Variants in TCF7L1 observed in about 807,000 individuals in gnomAD.
TCF7L1 encodes transcription factor 7 like 1, also known as transcription factor 7-like 1.
In TCF7L1, 18 loss-of-function variants were observed where a neutral mutation model predicts 63.7. The observed-to-expected ratio is 0.28, with a 90% CI of 0.20 to 0.42. TCF7L1 has a LOEUF of 0.42. TCF7L1 is among the 10% of genes least tolerant of loss of function. TCF7L1 has a pLI of 1.00. For missense variants in TCF7L1, 654 were observed against 779.3 expected (o/e 0.84, Z 1.91); for synonymous variants, 355 against 340.9 (o/e 1.04, Z -0.46).
intron 3 of TCF7L1, among the ~76,000 whole-genome samples, chr2:85,223,193 C>G (rs1205675253): frequency 1.3e-5 from 2 of 152,190 alleles, no homozygotes; most frequent in Admixed American, 6.5e-5. Context: ...GCAATCCCCC[C>G]ACCTCAGCCT....
intron 4 of TCF7L1, among the ~76,000 whole-genome samples, chr2:85,296,323 G>A (rs549964172): frequency 6.6e-6 from 1 of 152,242 alleles, no homozygotes; most frequent in South Asian, 2.1e-4. Flanking sequence ...TTTGTAGAAT[G>A]TCCCTTAGTT....
Position 85,306,700 on chromosome 2 carries a change from A to G in TCF7L1, c.1257+141A>G, listed in dbSNP as rs1047454431. ...TTTTGAGACAGAGGCTCACCCTGTC[A>G]CCCAGGCTGGAGTGCATGCAGTGGC... On this transcript the variant is annotated intron_variant, in intron 10 of 11. Coordinates refer to ENST00000282111, the MANE Select transcript of TCF7L1 (RefSeq NM_031283.3). The surrounding 1 kb of genome is among the most constrained non-coding windows in gnomAD (Gnocchi z 4.3). The G allele has an allele frequency of 5.5e-6, 4 of 726,636 alleles. No homozygotes were observed. Among genetic ancestry groups the G allele is most frequent in the Non-Finnish European group, 6.5e-6 (3 of 459,460 alleles). 45.0% of individuals were successfully genotyped at this position (726,636 alleles called of 1,614,324 possible). A position where few individuals can be genotyped will look rare whatever the true frequency, so the allele number is the denominator to read the frequency against.
intron 7 of TCF7L1, among the ~76,000 whole-genome samples, chr2:85,304,803 G>A (rs138821408): frequency 0.01 from 1,598 of 152,200 alleles, 10 homozygotes; most frequent in Middle Eastern, 0.041. Context: ...CCTAAGTCAC[G>A]GACTGTCTGT....
At chr2:85,263,421 C>G (rs751413904) in intron 3 of TCF7L1, among the ~76,000 whole-genome samples, 1 of 151,928 alleles carries the variant, frequency 6.6e-6, no homozygotes, top group Non-Finnish European at 1.5e-5. Context: ...GGGCAGTGAG[C>G]AGCAGAGATG....
chr2:85,191,093 T>C (rs2104264485), intron 3 of TCF7L1, among the ~76,000 whole-genome samples: 1 of 152,318 alleles, frequency 6.6e-6, no homozygotes, highest in South Asian at 2.1e-4. Context: ...AAGAGCCTTA[T>C]AACTTATTTG....
intron 3 of TCF7L1, among the ~76,000 whole-genome samples, chr2:85,273,508 A>G (rs1233086335): frequency 6.6e-6 from 1 of 152,256 alleles, no homozygotes; most frequent in Non-Finnish European, 1.5e-5. Context: ...AAACAGTTTG[A>G]TAACCTTGTA....
chr2:85,189,053 G>A (rs1385803187), intron 3 of TCF7L1, among the ~76,000 whole-genome samples: 1 of 152,180 alleles, frequency 6.6e-6, no homozygotes, highest in Non-Finnish European at 1.5e-5. Context: ...CCACCTGACT[G>A]TGAACTTAAA....
chr2:85,299,695 C>T (rs1372044544), intron 4 of TCF7L1, among the ~76,000 whole-genome samples: 2 of 151,648 alleles, frequency 1.3e-5, no homozygotes, highest in East Asian at 1.9e-4. Flanking sequence ...GGTGAAACCG[C>T]GTCTCTACAA....
chr2:85,233,878 C>T (rs913161252), intron 3 of TCF7L1: 1 of 152,140 alleles, frequency 6.6e-6, no homozygotes, highest in African/African-American at 2.4e-5. Flanking sequence ...AATTCATCCA[C>T]ATTGCTGCAG....
At chr2:85,205,534 ATTG>A (rs1679385846) in intron 3 of TCF7L1, among the ~76,000 whole-genome samples, 2 of 109,792 alleles carry the variant, frequency 1.8e-5, no homozygotes, top group African/African-American at 4.0e-5. Flanking sequence ...GTCAGCCCAC[ATTG>A]TTTTTTTTTT....
chr2:85,144,741 GTGTGTGTGTA>G (rs1189107327), intron 3 of TCF7L1, among the ~76,000 whole-genome samples: 2 of 149,072 alleles, frequency 1.3e-5, no homozygotes, highest in East Asian at 1.9e-4. Context: ...GTGTGTGTGT[GTGTGTGTGTA>G]TGTGTGTGTG....
chr2:85,251,972 G>A (rs1680599989), intron 3 of TCF7L1, among the ~76,000 whole-genome samples: 1 of 152,198 alleles, frequency 6.6e-6, no homozygotes, highest in Admixed American at 6.5e-5. Flanking sequence ...CCACTTGGGA[G>A]GCTGAGGTGG....
intron 3 of TCF7L1, among the ~76,000 whole-genome samples, chr2:85,214,613 G>T (rs1679650473): frequency 6.6e-6 from 1 of 152,198 alleles, no homozygotes. Context: ...GCTGGGACAG[G>T]ATATGCAAGA....
chr2:85,270,423 C>T (rs1681123110), intron 3 of TCF7L1, among the ~76,000 whole-genome samples: 1 of 152,210 alleles, frequency 6.6e-6, no homozygotes, highest in African/African-American at 2.4e-5. Context: ...CTTCTATGAC[C>T]TGGTTTCTGC....
At chr2:85,259,588 G>A (rs1172290066) in intron 3 of TCF7L1, among the ~76,000 whole-genome samples, 1 of 152,198 alleles carries the variant, frequency 6.6e-6, no homozygotes, top group East Asian at 1.9e-4. Flanking sequence ...TGAAGATTGT[G>A]TGTCTCAAGG....
intron 3 of TCF7L1, among the ~76,000 whole-genome samples, chr2:85,241,322 G>A (rs1680320517): frequency 6.6e-6 from 1 of 151,940 alleles, no homozygotes; most frequent in African/African-American, 2.4e-5. Flanking sequence ...ACATGGTGGT[G>A]CACAGTAGAA....
chr2:85,134,361 C>A lies in TCF7L1; in HGVS notation c.352C>A (p.Pro118Thr). 6.3e-7 allele frequency: 1 copy of A among 1,583,374 alleles called. No homozygotes were observed. The highest frequency in any genetic ancestry group is 2.3e-5 in the East Asian group (1 of 43,090). ...GGACAGCGCGTTCTTTAAAGGACCC[C>A]CGTACCCTGGGTACCCCTTCCTGAT... ...PQDSAFFKGPPYPGYPFLMIP... is the reference protein window; with the variant it reads ...PQDSAFFKGPTYPGYPFLMIP... Residue 118 changes from proline (P) to threonine (T), a missense_variant, in exon 3 of 12, where the codon CCG becomes ACG. Pro to Thr is a conservative substitution (Grantham distance 38). Transcript: ENST00000282111. This position sits in a 1 kb window ranked among gnomAD's most constrained non-coding sequence, Gnocchi z 5.0.
At chr2:85,245,579 G>A (rs1336894561) in intron 3 of TCF7L1, among the ~76,000 whole-genome samples, 5 of 152,054 alleles carry the variant, frequency 3.3e-5, no homozygotes, top group East Asian at 3.9e-4. Flanking sequence ...TTGGGAGGCC[G>A]AGGCGGGCAG....
chr2:85,232,682 G>A (rs1028191217), intron 3 of TCF7L1, among the ~76,000 whole-genome samples: 2 of 152,112 alleles, frequency 1.3e-5, no homozygotes, highest in Non-Finnish European at 2.9e-5. Context: ...TTCTTCCAGT[G>A]ACATATTCAG....
Sources: gnomAD v4.1 joint callset for allele counts (sites outside exome capture counted in the v4.1 genomes callset) on GRCh38, gnomAD v4.1.1 for gene constraint, Gnocchi (gnomAD v3.1) non-coding constraint, MANE v1.5 for transcripts, NCBI Gene and HGNC (gene_info 2026-07-23, HGNC 2026-07-21) for gene names.